Variants in DTNA observed in about 807,000 individuals in gnomAD.
DTNA encodes dystrobrevin alpha.
A neutral mutation model predicts 100.7 loss-of-function variants in DTNA; 43 were observed. The observed-to-expected ratio is 0.43, with a 90% confidence interval of 0.33 to 0.55. The LOEUF (loss-of-function observed/expected upper bound fraction) is 0.55, where lower values mean the gene tolerates loss of function less well. DTNA is among the 20% of genes least tolerant of loss of function. DTNA has a pLI of 0.04. For missense variants in DTNA, 798 were observed against 953.9 expected (o/e 0.84, Z 2.15); for synonymous variants, 349 against 347.9 (o/e 1.00, Z -0.04).
intron 1 of DTNA, among the ~76,000 whole-genome samples, chr18:34,532,367 G>A (rs2043224051): frequency 2.0e-5 from 3 of 152,042 alleles, no homozygotes; most frequent in Admixed American, 2.0e-4. Context: ...CTGGTGCTTG[G>A]GCTCTTTTGT....
At chr18:34,858,793 T>G (rs973802984) in intron 16 of DTNA, among the ~76,000 whole-genome samples, 1 of 151,846 alleles carries the variant, frequency 6.6e-6, no homozygotes, top group African/African-American at 2.4e-5. Flanking sequence ...TTGTATTTAG[T>G]AGAGACAGGG....
chr18:34,572,281 C>T (rs951946261), intron 1 of DTNA, among the ~76,000 whole-genome samples: 5 of 152,096 alleles, frequency 3.3e-5, no homozygotes, highest in Non-Finnish European at 4.4e-5. Flanking sequence ...GTTTTTCTTA[C>T]CTTTCTCAGA....
chr18:34,874,882 C>G (rs2096799643), intron 17 of DTNA, among the ~76,000 whole-genome samples: 1 of 152,304 alleles, frequency 6.6e-6, no homozygotes, highest in Middle Eastern at 3.4e-3. Context: ...AAACTTTCTC[C>G]TTAATGTCTT....
At chr18:34,811,838 T>C (rs2095492456) in intron 5 of DTNA, 121 bp from the exon 6 acceptor site, 1 of 1,178,722 alleles carries the variant, frequency 8.5e-7, no homozygotes, top group African/African-American at 1.5e-5. Flanking sequence ...AGCTTTTATA[T>C]TATTCTTTCA....
intron 13 of DTNA, among the ~76,000 whole-genome samples, chr18:34,846,581 A>G (rs1185842756): frequency 1.3e-5 from 2 of 152,142 alleles, no homozygotes; most frequent in African/African-American, 4.8e-5. Flanking sequence ...AAGTATTCAT[A>G]TTAAAACAGC....
chr18:34,810,131 T>C (rs1405076455), intron 5 of DTNA, among the ~76,000 whole-genome samples: 4 of 152,208 alleles, frequency 2.6e-5, no homozygotes, highest in African/African-American at 9.6e-5. Context: ...GCCTGGTATG[T>C]CATGTGCTGT....
chr18:34,560,193 T>C (rs2046507997), intron 1 of DTNA, among the ~76,000 whole-genome samples: 2 of 152,332 alleles, frequency 1.3e-5, no homozygotes, highest in South Asian at 4.1e-4. Flanking sequence ...CTCAGCTGTG[T>C]TGATTTTCAT....
Position 34,877,779 on chromosome 18 carries a change from T to C in DTNA, c.1964T>C (p.Met655Thr), listed in dbSNP as rs376597436. 1 of 1,613,854 alleles carries C rather than the reference T, an allele frequency of 6.2e-7. No individual in the cohort carries two copies. Among genetic ancestry groups the C allele is most frequent in the Non-Finnish European group, 8.5e-7 (1 of 1,179,908 alleles). ...LVAADSITNT[M>T]SSLVKELNSE... ...GCTGCAGATTCCATCACTAACACTA[T>C]GTCCTCTCTTGTGAAAGAGCTGAAT... Residue 655 changes from methionine (M) to threonine (T), a missense_variant, in exon 19 of 23, where the codon ATG (methionine) becomes ACG (threonine). By Grantham distance (81) the Met-to-Thr change is moderately conservative (BLOSUM62 -1). Coordinates refer to ENST00000444659, the MANE Select transcript of DTNA (RefSeq NM_001386795.1).
intron 1 of DTNA, among the ~76,000 whole-genome samples, chr18:34,553,540 T>A (rs1383067881): frequency 6.6e-6 from 1 of 152,140 alleles, no homozygotes. Context: ...TTAATCCATC[T>A]TGAATTGATT....
At chr18:34,807,093 C>T (rs1279311817) in intron 5 of DTNA, among the ~76,000 whole-genome samples, 1 of 152,066 alleles carries the variant, frequency 6.6e-6, no homozygotes, top group Non-Finnish European at 1.5e-5. Context: ...TTTCTGGGTC[C>T]CACCCCAAGA....
rs532870320 is a variant in DTNA, at chr18:34,794,292, C to T, written c.362+42C>T. ...TGTCTGTTCCTCTCTACATGTTTGGCTTTCACTTCCTGTCTTACTTGGTCT... is the reference window on the plus strand; with the variant it reads ...TGTCTGTTCCTCTCTACATGTTTGGTTTTCACTTCCTGTCTTACTTGGTCT... On this transcript the variant is annotated intron_variant, in intron 4 of 22. Coordinates refer to ENST00000444659, the MANE Select transcript of DTNA (RefSeq NM_001386795.1). 21 of 1,608,752 alleles carry T rather than the reference C, an allele frequency of 1.3e-5. No individual in the cohort carries two copies. In the East Asian group the frequency reaches 4.0e-4, roughly 31 times the overall value.
chr18:34,669,092 T>C (rs1205817018), intron 1 of DTNA, among the ~76,000 whole-genome samples: 3 of 152,198 alleles, frequency 2.0e-5, no homozygotes, highest in Non-Finnish European at 4.4e-5. Flanking sequence ...AGGGCTTGCT[T>C]TATGTATCTG....
chr18:34,500,282 A>G (rs758003476), intron 1 of DTNA, among the ~76,000 whole-genome samples: 31 of 152,090 alleles, frequency 2.0e-4, no homozygotes, highest in Non-Finnish European at 3.8e-4. Flanking sequence ...CTAGACTTAC[A>G]TATGAATAAT....
At chr18:34,770,974 G>T (rs2093737726) in intron 3 of DTNA, among the ~76,000 whole-genome samples, 1 of 151,750 alleles carries the variant, frequency 6.6e-6, no homozygotes, top group Non-Finnish European at 1.5e-5. Context: ...TAGAGAGAGG[G>T]TTTCACCAGG....
chr18:34,783,473 G>A (rs72955184), intron 3 of DTNA, among the ~76,000 whole-genome samples: 18,232 of 152,148 alleles, frequency 0.12, 1,113 homozygotes, highest in African/African-American at 0.14. Context: ...TGTTATCTCT[G>A]TAAGACATGA....
At chr18:34,497,933 A>G (rs2039436938) in intron 1 of DTNA, among the ~76,000 whole-genome samples, 1 of 152,330 alleles carries the variant, frequency 6.6e-6, no homozygotes, top group Non-Finnish European at 1.5e-5. Context: ...TAGCATTTCA[A>G]ATGATCAGGA....
chr18:34,872,079 G>A (rs924006931), intron 17 of DTNA, among the ~76,000 whole-genome samples: 2 of 152,208 alleles, frequency 1.3e-5, no homozygotes, highest in Non-Finnish European at 2.9e-5. Flanking sequence ...AACACACAAC[G>A]AGAGTCAATG....
intron 1 of DTNA, among the ~76,000 whole-genome samples, chr18:34,646,657 T>G (rs745824750): frequency 2.6e-5 from 4 of 152,222 alleles, no homozygotes; most frequent in Non-Finnish European, 5.9e-5. Context: ...GATTTATTCT[T>G]CTTTACAAAT....
At chr18:34,603,124 A>G (rs2052311758) in intron 1 of DTNA, among the ~76,000 whole-genome samples, 1 of 152,042 alleles carries the variant, frequency 6.6e-6, no homozygotes, top group South Asian at 2.1e-4. Context: ...AGACTGAGGA[A>G]GAAGGAACAC....
Sources: allele counts gnomAD v4.1 joint callset (sites outside exome capture counted in the v4.1 genomes callset), GRCh38; gene constraint gnomAD v4.1.1; transcripts MANE v1.5; gene names NCBI Gene and HGNC (gene_info 2026-07-23, HGNC 2026-07-21).